The following CACNA1E variants were observed in gnomAD, a reference collection of about 807,000 sequenced individuals.
The protein encoded by CACNA1E is calcium voltage-gated channel subunit alpha1 E, also known as voltage-dependent R-type calcium channel subunit alpha-1E.
In CACNA1E, 40 loss-of-function variants were observed where a neutral mutation model predicts 259.2. That is an observed-to-expected ratio of 0.15 (90% CI 0.12 to 0.20). The LOEUF is 0.20. CACNA1E is among the 10% of genes least tolerant of loss of function. The pLI is 1.00. For missense variants in CACNA1E, 1,874 were observed against 3,040.1 expected (o/e 0.62, Z 9.02); for synonymous variants, 1,104 against 1,138.5 (o/e 0.97, Z 0.61).
At chr1:181,592,319 C>A (rs1652733397) in intron 6 of CACNA1E, among the ~76,000 whole-genome samples, 1 of 152,082 alleles carries the variant, frequency 6.6e-6, no homozygotes, top group Non-Finnish European at 1.5e-5. Context: ...ATTGATTTCA[C>A]AGAGTGGCTG....
Position 181,646,004 on chromosome 1 carries a change from A to G in CACNA1E, c.952-5334A>G, listed in dbSNP as rs201462512. On this transcript the variant is annotated intron_variant, in intron 6 of 47. Transcript: ENST00000367573. ...TATGTGTCTGTGAGGGAAGGTGTGA[A>G]GTAGTTGAATCAGTCCCTGGCCTCT... Among the ~76,000 whole-genome samples the G allele has an allele frequency of 5.9e-5, 9 of 152,144 alleles. No homozygotes were observed. In the East Asian group the frequency reaches 1.7e-3, roughly 29 times the overall value.
intron 2 of CACNA1E, among the ~76,000 whole-genome samples, chr1:181,447,633 A>G (rs187934224): frequency 3.9e-5 from 6 of 152,358 alleles, no homozygotes; most frequent in African/African-American, 1.4e-4. Flanking sequence ...TAGTAGTTTA[A>G]AAAAACTCCA....
intron 1 of CACNA1E, among the ~76,000 whole-genome samples, chr1:181,366,170 C>T (rs998155571): frequency 6.6e-6 from 1 of 152,170 alleles, no homozygotes; most frequent in Non-Finnish European, 1.5e-5. Flanking sequence ...AATGCCTATT[C>T]CTATCTGACA....
intron 27 of CACNA1E, 25 bp downstream of exon 27, chr1:181,752,264 A>G (rs1406922258): frequency 1.3e-6 from 2 of 1,522,522 alleles, no homozygotes; most frequent in Non-Finnish European, 1.8e-6. Flanking sequence ...GTTTGTTCCC[A>G]TCAAATCCCC....
intron 3 of CACNA1E, among the ~76,000 whole-genome samples, chr1:181,535,105 G>A (rs1049301119): frequency 1.3e-5 from 2 of 152,140 alleles, no homozygotes; most frequent in Non-Finnish European, 2.9e-5. Context: ...TAAAACTTAT[G>A]CACCGTCAGA....
At chr1:181,550,650 G>A (rs528245082) in intron 3 of CACNA1E, among the ~76,000 whole-genome samples, 25 of 152,204 alleles carry the variant, frequency 1.6e-4, no homozygotes, top group African/African-American at 5.8e-4. Context: ...ATGTGAGGGA[G>A]GAATTCACTG....
intron 1 of CACNA1E, among the ~76,000 whole-genome samples, chr1:181,340,958 G>T (rs145450371): frequency 1.3e-5 from 2 of 152,084 alleles, no homozygotes; most frequent in African/African-American, 4.8e-5. Context: ...GACAAAGAGG[G>T]TGTCTATTTG....
Position 181,801,601 on chromosome 1 carries a change from T to G in CACNA1E, c.*2767T>G, listed in dbSNP as rs570058726. 6 of 152,360 alleles carry G rather than the reference T, an allele frequency of 3.9e-5. No homozygotes were observed. The East Asian group carries it at 1.2e-3, about 29-fold the overall frequency. 9.4% of individuals were successfully genotyped at this position (152,360 alleles called of 1,614,324 possible). On this transcript the variant is annotated 3_prime_UTR_variant, in exon 48 of 48. Transcript: ENST00000367573. ...ACAAACTCATCATCTTGTTTGGTGTTCTGCTGCCTCTGAACAAAAGTGAAT... is the reference window on the plus strand; with the variant it reads ...ACAAACTCATCATCTTGTTTGGTGTGCTGCTGCCTCTGAACAAAAGTGAAT...
chr1:181,733,579 G>T lies in CACNA1E; in HGVS notation c.3091G>T (p.Glu1031Ter), dbSNP rs1246269430. The T allele has an allele frequency of 6.2e-7, 1 of 1,613,090 alleles. No homozygotes were observed. The change falls in exon 21 of 48, where the codon GAG becomes TAG. Residue 1031 changes from glutamate to a stop codon, truncating the protein, a stop_gained. Coordinates refer to ENST00000367573, the MANE Select transcript of CACNA1E (RefSeq NM_001205293.3). LOFTEE classifies it high-confidence loss of function. ...GGAGCAGGAGCCAGAAGGCAGCAGT[G>T]AGCAGGCCCTGCTGGGGAATGTGCA... ...LTEQEPEGSS[E>*]QALLGNVQLD...
At chr1:181,323,762 A>G (rs763195245) in intron 1 of CACNA1E, among the ~76,000 whole-genome samples, 1 of 152,262 alleles carries the variant, frequency 6.6e-6, no homozygotes, top group Non-Finnish European at 1.5e-5. Flanking sequence ...AATACAAAAA[A>G]GTTCCACCCT....
At chr1:181,501,755 G>A (rs529888080) in intron 1 of CACNA1E, among the ~76,000 whole-genome samples, 1 of 151,928 alleles carries the variant, frequency 6.6e-6, no homozygotes, top group Non-Finnish European at 1.5e-5. Context: ...AAGGAGAGAG[G>A]TGTGTGTCTG....
chr1:181,632,340 A>G lies in CACNA1E; in HGVS notation c.952-18998A>G, dbSNP rs1229666499. Among the ~76,000 whole-genome samples, 3 of 152,090 alleles carry G rather than the reference A, an allele frequency of 2.0e-5. 1 individual carries two copies. The highest frequency in any genetic ancestry group is 4.2e-4 in the South Asian group (2 of 4,814). On this transcript the variant is annotated intron_variant, in intron 6 of 47. Transcript: ENST00000367573. ...AACCCAAGAATACAGGTTTGGGAGTAAGGGAGCTGGCTTTTATTCCAAGTG... is the reference window on the plus strand; with the variant it reads ...AACCCAAGAATACAGGTTTGGGAGTGAGGGAGCTGGCTTTTATTCCAAGTG...
At position 181,578,104 on chromosome 1, in the gene CACNA1E, CA is replaced by C. The variant is rs377686439; in HGVS notation, c.616+241del. Among the ~76,000 whole-genome samples the C allele has an allele frequency of 3.0e-4, 45 of 152,108 alleles. 1 individual carries two copies. In the East Asian group the frequency reaches 7.9e-3, roughly 27 times the overall value. On this transcript the variant is annotated intron_variant, in intron 4 of 47. Coordinates refer to ENST00000367573, the MANE Select transcript of CACNA1E (RefSeq NM_001205293.3). ...TACAGAAAATGTGGAAAGTAAACAA[CA>C]AAAAAGAAAAGTGCTCTTTATCTTA...
intron 2 of CACNA1E, among the ~76,000 whole-genome samples, chr1:181,423,613 C>A (rs1205432834): frequency 6.6e-6 from 1 of 151,874 alleles, no homozygotes; most frequent in Non-Finnish European, 1.5e-5. Flanking sequence ...AAGGCAACAC[C>A]TGTCTCAACC....
In CACNA1E at chr1:181,463,395, T is replaced by C. The variant is rs1448686998; in HGVS notation, c.435-20349T>C. 2.0e-5 allele frequency among the ~76,000 whole-genome samples: 3 copies of C among 152,124 alleles called. No individual in the cohort carries two copies. The East Asian group carries it at 5.8e-4, about 29-fold the overall frequency. On this transcript the variant is annotated intron_variant, in intron 2 of 11. Transcript: ENST00000524607. ...GGGGACTACTGTATTATCTAACACA[T>C]TGCTTTTCAGAGTGAATGTGTCATT...
chr1:181,400,645 T>C (rs1657031458), intron 1 of CACNA1E, among the ~76,000 whole-genome samples: 1 of 152,114 alleles, frequency 6.6e-6, no homozygotes, highest in African/African-American at 2.4e-5. Flanking sequence ...GGTCGTGTGC[T>C]GAAGACAGGA....
intron 7 of CACNA1E, among the ~76,000 whole-genome samples, chr1:181,700,472 G>C (rs1160655534): frequency 6.6e-6 from 1 of 152,176 alleles, no homozygotes; most frequent in African/African-American, 2.4e-5. Flanking sequence ...TCTGTGCTGG[G>C]ACTTCAGGCA....
chr1:181,414,374 G>C (rs1308675035), intron 2 of CACNA1E, among the ~76,000 whole-genome samples: 1 of 152,160 alleles, frequency 6.6e-6, no homozygotes. Flanking sequence ...GTATTTTGAT[G>C]GTGGTGGTCG....
At chr1:181,653,365 T>C (rs764392918) in intron 7 of CACNA1E, among the ~76,000 whole-genome samples, 1 of 152,100 alleles carries the variant, frequency 6.6e-6, no homozygotes, top group Non-Finnish European at 1.5e-5. Context: ...CCTGATGATT[T>C]TGTAAAAGGG....
Sources: allele counts gnomAD v4.1 joint callset (sites outside exome capture counted in the v4.1 genomes callset), GRCh38; gene constraint gnomAD v4.1.1; transcripts MANE v1.5; gene names NCBI Gene and HGNC (gene_info 2026-07-23, HGNC 2026-07-21).